ASTN2: variants seen among roughly 807,000 people sequenced by gnomAD.
The protein encoded by ASTN2 is astrotactin-2.
A neutral mutation model predicts 139.8 loss-of-function variants in ASTN2; 54 were observed. The ratio of observed to expected loss-of-function variants is 0.39; its 90% CI spans 0.31 to 0.48. The LOEUF (loss-of-function observed/expected upper bound fraction) is 0.48. Among genes scored for constraint, ASTN2 ranks in the 20% least tolerant of loss-of-function variants. The pLI, the probability that ASTN2 is intolerant of heterozygous loss-of-function variation, is 0.95. For synonymous variants in ASTN2, 756 were observed against 719.5 expected (o/e 1.05, Z -0.81); for missense variants, 1,565 against 1,725.1 (o/e 0.91, Z 1.64).
At chr9:117,024,997 C>A (rs1251416349) in intron 6 of ASTN2, among the ~76,000 whole-genome samples, 1 of 152,138 alleles carries the variant, frequency 6.6e-6, no homozygotes, top group Non-Finnish European at 1.5e-5. Flanking sequence ...ACTTGCTCCT[C>A]CTTGCCTTCT....
intron 22 of ASTN2, among the ~76,000 whole-genome samples, chr9:116,429,360 A>AAAAAAAG (rs57088669): frequency 5.4e-5 from 8 of 148,836 alleles, no homozygotes; most frequent in African/African-American, 1.2e-4. Flanking sequence ...AAAAAAAAAA[A>AAAAAAAG]GTAACCAAGT....
At chr9:117,060,947 A>G (rs1244191440) in intron 5 of ASTN2, among the ~76,000 whole-genome samples, 3 of 152,216 alleles carry the variant, frequency 2.0e-5, no homozygotes, top group Admixed American at 2.0e-4. Context: ...AGTAGACACG[A>G]TAGAATTTAC....
intron 14 of ASTN2, among the ~76,000 whole-genome samples, chr9:116,731,221 T>TAAA (rs1436471783): frequency 1.5e-5 from 2 of 129,366 alleles, no homozygotes; most frequent in Non-Finnish European, 3.2e-5. Flanking sequence ...ATAATAATAA[T>TAAA]AATAAATCTT....
intron 1 of ASTN2, among the ~76,000 whole-genome samples, chr9:117,413,220 C>T (rs1458494153): frequency 1.3e-5 from 2 of 152,264 alleles, no homozygotes; most frequent in African/African-American, 4.8e-5. Flanking sequence ...ATCAGGGCTA[C>T]CAGGAGAGTG....
intron 16 of ASTN2, among the ~76,000 whole-genome samples, chr9:116,694,406 A>G (rs940885587): frequency 6.7e-6 from 1 of 149,724 alleles, no homozygotes; most frequent in Non-Finnish European, 1.5e-5. Context: ...AGAGAACTGT[A>G]GCTATTGATT....
intron 16 of ASTN2, among the ~76,000 whole-genome samples, chr9:116,684,646 C>T (rs571382699): frequency 4.3e-4 from 65 of 152,256 alleles, no homozygotes; most frequent in Non-Finnish European, 7.9e-4. Context: ...CTGCATGAGT[C>T]GCTCAGACAC....
chr9:116,902,600 A>C (rs1338050326), intron 10 of ASTN2, among the ~76,000 whole-genome samples: 2 of 152,000 alleles, frequency 1.3e-5, no homozygotes, highest in African/African-American at 4.8e-5. Context: ...AGGCTATACT[A>C]TCTGGGTTTG....
chr9:116,820,688 C>T lies in ASTN2; in HGVS notation c.2136G>A (p.Glu712=). The change falls in exon 12 of 23, where the codon GAG becomes GAA. Residue 712 remains glutamate (E), a synonymous_variant. Transcript: ENST00000313400. ...GCAGCGTCTGCTGCAGGCACAGCTG[C>T]TCACAGCCGCCATTAAAGCCATCAG... ...DCSDGFNGGC[E]QLCLQQTLPL... 1 of 1,614,212 alleles carries T rather than the reference C, an allele frequency of 6.2e-7. No individual in the cohort carries two copies. Among genetic ancestry groups the T allele is most frequent in the South Asian group, 1.1e-5 (1 of 91,084 alleles).
At chr9:116,760,949 G>A (rs1055165296) in intron 13 of ASTN2, among the ~76,000 whole-genome samples, 1 of 152,192 alleles carries the variant, frequency 6.6e-6, no homozygotes, top group Non-Finnish European at 1.5e-5. Flanking sequence ...GTGGGGAAAC[G>A]CAGCTTCTCT....
intron 1 of ASTN2, among the ~76,000 whole-genome samples, chr9:117,355,049 T>A (rs1587975847): frequency 6.6e-6 from 1 of 152,216 alleles, no homozygotes; most frequent in Admixed American, 6.5e-5. Flanking sequence ...CCAGTGTATA[T>A]TTCTTTAATA....
intron 4 of ASTN2, among the ~76,000 whole-genome samples, chr9:117,136,599 G>A (rs959240832): frequency 6.6e-6 from 1 of 152,154 alleles, no homozygotes; most frequent in African/African-American, 2.4e-5. Flanking sequence ...CAAATTTACT[G>A]TGTTTTCAAA....
At chr9:116,742,398 T>C (rs1564243420) in intron 13 of ASTN2, among the ~76,000 whole-genome samples, 2 of 152,190 alleles carry the variant, frequency 1.3e-5, no homozygotes, top group Admixed American at 6.5e-5. Flanking sequence ...AAGGAATTGT[T>C]GAAGAGGAAA....
At chr9:116,450,564 C>T (rs2118917919) in intron 20 of ASTN2, among the ~76,000 whole-genome samples, 1 of 152,280 alleles carries the variant, frequency 6.6e-6, no homozygotes, top group South Asian at 2.1e-4. Flanking sequence ...ATGCTCTGCT[C>T]TCACTTTCCC....
chr9:117,096,367 C>A (rs1828841109), intron 4 of ASTN2, among the ~76,000 whole-genome samples: 1 of 152,132 alleles, frequency 6.6e-6, no homozygotes, highest in Admixed American at 6.5e-5. Flanking sequence ...AGCTGTGTGA[C>A]CTTGAAGAGA....
intron 19 of ASTN2, among the ~76,000 whole-genome samples, chr9:116,564,943 A>T (rs1224315943): frequency 6.6e-6 from 1 of 152,066 alleles, no homozygotes; most frequent in Non-Finnish European, 1.5e-5. Flanking sequence ...AAATCACTTA[A>T]CTCCTCTAAG....
intron 19 of ASTN2, among the ~76,000 whole-genome samples, chr9:116,616,583 C>T (rs1246162745): frequency 6.6e-6 from 1 of 152,116 alleles, no homozygotes; most frequent in African/African-American, 2.4e-5. Context: ...GAACAAAGTT[C>T]ATGATCATTC....
At chr9:117,163,351 A>G (rs1010097707) in intron 3 of ASTN2, among the ~76,000 whole-genome samples, 1 of 152,078 alleles carries the variant, frequency 6.6e-6, no homozygotes, top group African/African-American at 2.4e-5. Flanking sequence ...CTGATCAGAA[A>G]AGTCACAGGA....
chr9:116,966,589 C>G lies in ASTN2; in HGVS notation c.1889+8619G>C, dbSNP rs190593370. Among the ~76,000 whole-genome samples the G allele has an allele frequency of 8.2e-4, 125 of 152,140 alleles. 1 individual carries two copies. The highest frequency in any genetic ancestry group is 2.8e-3 in the African/African-American group (117 of 41,478). On this transcript the variant is annotated intron_variant, in intron 10 of 22. Coordinates refer to ENST00000313400, the MANE Select transcript of ASTN2 (RefSeq NM_001365068.1). Reference sequence around the variant, plus strand: ...AAAAATATATATGTCTCCAGGCTCACTGGCTGAATGACAGGTAGTGGGGCT... The same window carrying G: ...AAAAATATATATGTCTCCAGGCTCAGTGGCTGAATGACAGGTAGTGGGGCT...
intron 2 of ASTN2, among the ~76,000 whole-genome samples, chr9:117,232,851 C>G (rs1037967962): frequency 6.6e-6 from 1 of 151,578 alleles, no homozygotes; most frequent in Non-Finnish European, 1.5e-5. Flanking sequence ...TTTATCCATA[C>G]AGTTCTGAAA....
Sources: gnomAD v4.1 joint callset for allele counts (sites outside exome capture counted in the v4.1 genomes callset) on GRCh38, gnomAD v4.1.1 for gene constraint, MANE v1.5 for transcripts, NCBI Gene and HGNC (gene_info 2026-07-23, HGNC 2026-07-21) for gene names.